NAALADL2: variants seen among roughly 807,000 people sequenced by gnomAD.
NAALADL2 encodes the protein N-acetylated alpha-linked acidic dipeptidase like 2, also known as inactive N-acetylated-alpha-linked acidic dipeptidase-like protein 2.
In NAALADL2, 76 loss-of-function variants were observed where a neutral mutation model predicts 87.2. The observed-to-expected ratio is 0.87, with a 90% CI of 0.72 to 1.05. NAALADL2 has a LOEUF of 1.05. Ranked by LOEUF, NAALADL2 falls within the 50% of genes least tolerant of loss-of-function variation. The probability of loss-of-function intolerance (pLI) is 0.00; values close to 1 mark genes in which losing one functional copy is unlikely to be tolerated. For synonymous variants in NAALADL2, 354 were observed against 331.0 expected, an observed-to-expected ratio of 1.07 and a Z score of -0.75; for missense variants, 1,089 against 945.8, an observed-to-expected ratio of 1.15 and a Z score of -1.99.
chr3:175,026,900 C>T (rs539510971), intron 1 of NAALADL2, among the ~76,000 whole-genome samples: 6 of 152,138 alleles, frequency 3.9e-5, no homozygotes, highest in African/African-American at 9.6e-5. Context: ...AACTGCATAC[C>T]GAACAAACAT....
At chr3:175,497,903 G>T (rs1729027331) in intron 9 of NAALADL2, among the ~76,000 whole-genome samples, 1 of 152,094 alleles carries the variant, frequency 6.6e-6, no homozygotes, top group African/African-American at 2.4e-5. Flanking sequence ...TATTGAAAAT[G>T]CTTGAAAAGC....
At chr3:174,894,802 A>G (rs530076865) in intron 1 of NAALADL2, among the ~76,000 whole-genome samples, 127 of 152,116 alleles carry the variant, frequency 8.3e-4, no homozygotes, top group African/African-American at 2.8e-3. Flanking sequence ...CAAGAGTCTT[A>G]AAACATTCAA....
intron 1 of NAALADL2, among the ~76,000 whole-genome samples, chr3:174,518,812 T>C (rs569179453): frequency 5.5e-4 from 83 of 152,214 alleles, no homozygotes; most frequent in Non-Finnish European, 6.9e-4. Flanking sequence ...CTAATTGTAT[T>C]GAGCACATGG....
At chr3:175,013,301 A>ATATATATTT (rs1553916905) in intron 1 of NAALADL2, among the ~76,000 whole-genome samples, 3 of 72,064 alleles carry the variant, frequency 4.2e-5, no homozygotes, top group South Asian at 5.4e-4. Context: ...ATATATATAT[A>ATATATATTT]TTTTTTTTTT....
At chr3:174,477,303 T>C (rs980284834) in intron 1 of NAALADL2, among the ~76,000 whole-genome samples, 3 of 152,158 alleles carry the variant, frequency 2.0e-5, no homozygotes, top group Non-Finnish European at 2.9e-5. Flanking sequence ...TCCTGAGTTC[T>C]TTCCACACTT....
intron 5 of NAALADL2, among the ~76,000 whole-genome samples, chr3:175,342,374 T>A (rs1176487947): frequency 6.6e-6 from 1 of 151,958 alleles, no homozygotes; most frequent in East Asian, 1.9e-4. Flanking sequence ...ATAAGCTGAG[T>A]CAGACCACAA....
chr3:174,710,624 A>G (rs747157321), intron 2 of NAALADL2, among the ~76,000 whole-genome samples: 2 of 152,140 alleles, frequency 1.3e-5, no homozygotes, highest in Non-Finnish European at 2.9e-5. Context: ...GAGGCACAAG[A>G]AAGATTTCAG....
At chr3:175,636,696 TAAAAAAA>T (rs529189291) in intron 11 of NAALADL2, among the ~76,000 whole-genome samples, 3 of 82,398 alleles carry the variant, frequency 3.6e-5, no homozygotes, top group Non-Finnish European at 7.3e-5. Context: ...AGACTCCATC[TAAAAAAA>T]AAAAAAAAAA....
At chr3:175,771,796 A>AC (rs1446440205) in intron 13 of NAALADL2, among the ~76,000 whole-genome samples, 3 of 152,156 alleles carry the variant, frequency 2.0e-5, no homozygotes, top group Non-Finnish European at 2.9e-5. Context: ...ATAAAGATAT[A>AC]CCCAAGACTG....
In NAALADL2 at chr3:175,737,275, C is replaced by T. The variant is rs75367695; in HGVS notation, c.1897-31C>T. 607 of 1,237,974 alleles carry T rather than the reference C, an allele frequency of 4.9e-4. 4 individuals carry two copies. The African/African-American group carries it at 8.2e-3, about 17-fold the overall frequency. The allele number at this position is 1,237,974 out of a possible 1,614,324, so 76.7% of individuals were successfully genotyped here. On this transcript the variant is annotated intron_variant, in intron 11 of 13. Coordinates refer to ENST00000454872, the MANE Select transcript of NAALADL2 (RefSeq NM_207015.3). ...AATGAAAACTCCTAATTACTGAATG[C>T]TAGTATTTTCTTTTTCCTTTTTTCT...
intron 1 of NAALADL2, among the ~76,000 whole-genome samples, chr3:175,004,855 C>A (rs1293366713): frequency 1.4e-5 from 2 of 147,806 alleles, no homozygotes; most frequent in Non-Finnish European, 3.0e-5. Context: ...TGTGTATATG[C>A]AAATATTCCA....
intron 3 of NAALADL2, among the ~76,000 whole-genome samples, chr3:174,827,724 A>C (rs762805357): frequency 6.6e-6 from 1 of 152,234 alleles, no homozygotes; most frequent in African/African-American, 2.4e-5. Flanking sequence ...ATCACTCGAC[A>C]AATACTTTAA....
intron 1 of NAALADL2, among the ~76,000 whole-genome samples, chr3:174,912,092 T>C (rs941595647): frequency 8.5e-5 from 13 of 152,062 alleles, no homozygotes; most frequent in Non-Finnish European, 1.9e-4. Flanking sequence ...ATACTCTCTG[T>C]AGCCTCTCTC....
chr3:174,827,653 T>C (rs555360249), intron 3 of NAALADL2, among the ~76,000 whole-genome samples: 104 of 152,324 alleles, frequency 6.8e-4, no homozygotes, highest in African/African-American at 2.4e-3. Context: ...TATAACATAA[T>C]AAGCAAACAG....
intron 2 of NAALADL2, among the ~76,000 whole-genome samples, chr3:175,213,716 T>A (rs1168543363): frequency 6.6e-6 from 1 of 152,166 alleles, no homozygotes; most frequent in Non-Finnish European, 1.5e-5. Context: ...AGCAACCCAT[T>A]AATATATGTA....
chr3:175,254,928 T>G (rs1437737245), intron 3 of NAALADL2, among the ~76,000 whole-genome samples: 1 of 152,198 alleles, frequency 6.6e-6, no homozygotes, highest in African/African-American at 2.4e-5. Context: ...GCTTAACTTT[T>G]TAGAGATATT....
intron 2 of NAALADL2, among the ~76,000 whole-genome samples, chr3:174,638,132 A>C (rs2108720816): frequency 6.6e-6 from 1 of 152,228 alleles, no homozygotes; most frequent in Admixed American, 6.5e-5. Flanking sequence ...AAATAAAAAT[A>C]TTTACTGTGT....
chr3:175,296,771 A>G (rs1756446344), intron 4 of NAALADL2, among the ~76,000 whole-genome samples: 1 of 152,174 alleles, frequency 6.6e-6, no homozygotes, highest in East Asian at 1.9e-4. Context: ...TTATTAAGAA[A>G]TTGAGTGAGG....
chr3:174,925,238 A>G (rs914046017), intron 1 of NAALADL2, among the ~76,000 whole-genome samples: 2 of 152,080 alleles, frequency 1.3e-5, no homozygotes, highest in African/African-American at 4.8e-5. Flanking sequence ...ATCTTGAATT[A>G]ATTTTTGTAT....
Sources: gnomAD v4.1 joint callset for allele counts (sites outside exome capture counted in the v4.1 genomes callset) on GRCh38, gnomAD v4.1.1 for gene constraint, MANE v1.5 for transcripts, NCBI Gene and HGNC (gene_info 2026-07-23, HGNC 2026-07-21) for gene names.